The following SNX29 variants were observed in gnomAD, a reference collection of about 807,000 sequenced individuals.
SNX29 encodes sorting nexin 29.
In SNX29, 78 loss-of-function variants were observed where a neutral mutation model predicts 102.1. The observed-to-expected ratio is 0.76, with a 90% CI of 0.64 to 0.92. SNX29 has a LOEUF of 0.92. SNX29 is among the 40% of genes least tolerant of loss of function. SNX29 has a pLI of 0.00. For missense variants in SNX29, 1,280 were observed against 1,061.7 expected, an observed-to-expected ratio of 1.21 and a Z score of -2.86; for synonymous variants, 580 against 414.5, an observed-to-expected ratio of 1.40 and a Z score of -4.85.
chr16:11,977,623 C>G (rs1229877462), intron 1 of SNX29: 1 of 152,660 alleles, frequency 6.6e-6, no homozygotes, highest in Non-Finnish European at 1.5e-5. Context: ...CTTCCCAGTC[C>G]AAACTTCTTC....
At chr16:12,280,005 T>A (rs1448725212) in intron 15 of SNX29, among the ~76,000 whole-genome samples, 1 of 152,112 alleles carries the variant, frequency 6.6e-6, no homozygotes, top group African/African-American at 2.4e-5. Flanking sequence ...CCGTGGAGAT[T>A]CTCCACCTGT....
chr16:12,142,229 C>A (rs930742264), intron 13 of SNX29, among the ~76,000 whole-genome samples: 1 of 152,254 alleles, frequency 6.6e-6, no homozygotes, highest in Non-Finnish European at 1.5e-5. Flanking sequence ...ATGTGACCCA[C>A]TCTGGCTCTC....
chr16:12,296,425 CA>C (rs2079984122), intron 15 of SNX29, among the ~76,000 whole-genome samples: 1 of 152,152 alleles, frequency 6.6e-6, no homozygotes, highest in African/African-American at 2.4e-5. Flanking sequence ...AGAATTATAA[CA>C]ATTTGTTTTT....
chr16:12,017,892 G>C (rs551976668), intron 3 of SNX29, among the ~76,000 whole-genome samples: 24 of 151,800 alleles, frequency 1.6e-4, no homozygotes, highest in South Asian at 6.3e-4. Context: ...TTTTTTGGGT[G>C]GGGGGGCTTT....
intron 13 of SNX29, among the ~76,000 whole-genome samples, chr16:12,176,457 T>C (rs1039864764): frequency 5.3e-5 from 8 of 152,178 alleles, no homozygotes; most frequent in African/African-American, 1.7e-4. Flanking sequence ...CATCCATAGA[T>C]TCAACCAACT....
At chr16:12,008,487 C>T (rs764334886) in intron 3 of SNX29, among the ~76,000 whole-genome samples, 5 of 141,986 alleles carry the variant, frequency 3.5e-5, no homozygotes, top group African/African-American at 5.3e-5. Flanking sequence ...CAGGCTGGAC[C>T]TGAACTCCCG....
At chr16:12,224,481 G>A (rs2077559200) in intron 14 of SNX29, among the ~76,000 whole-genome samples, 1 of 152,160 alleles carries the variant, frequency 6.6e-6, no homozygotes, top group African/African-American at 2.4e-5. Context: ...ACGGTGCTGA[G>A]GACATCCAGG....
chr16:12,538,456 A>C (rs926750084), intron 20 of SNX29, among the ~76,000 whole-genome samples: 7 of 152,160 alleles, frequency 4.6e-5, no homozygotes, highest in African/African-American at 1.7e-4. Flanking sequence ...TTTGGTTATC[A>C]CGTATCTCCT....
At chr16:12,443,902 T>C (rs1007632617) in intron 18 of SNX29, among the ~76,000 whole-genome samples, 1 of 152,240 alleles carries the variant, frequency 6.6e-6, no homozygotes, top group Non-Finnish European at 1.5e-5. Flanking sequence ...AATGTGAGCA[T>C]TCGAAACTTG....
intron 14 of SNX29, among the ~76,000 whole-genome samples, chr16:12,253,101 C>T (rs892680134): frequency 3.9e-5 from 6 of 152,224 alleles, no homozygotes; most frequent in South Asian, 2.1e-4. Flanking sequence ...GGTTCATTCA[C>T]GAGCTGTTCC....
intron 3 of SNX29, among the ~76,000 whole-genome samples, chr16:12,021,052 A>G (rs2057005067): frequency 6.6e-6 from 1 of 152,216 alleles, no homozygotes; most frequent in Non-Finnish European, 1.5e-5. Flanking sequence ...CTAACATTGG[A>G]ATTTTACAAA....
intron 19 of SNX29, among the ~76,000 whole-genome samples, chr16:12,522,282 C>T (rs757920064): frequency 2.0e-5 from 3 of 152,176 alleles, no homozygotes; most frequent in Non-Finnish European, 4.4e-5. Flanking sequence ...GTTCAAATTT[C>T]ACTGGGTGCC....
At chr16:12,027,685 G>C in intron 4 of SNX29, 1 of 361,096 alleles carries the variant, frequency 2.8e-6, no homozygotes, top group Non-Finnish European at 5.0e-6. Flanking sequence ...GTCTCCTCTG[G>C]GTTCGGGGAC....
chr16:12,445,988 G>A (rs932416178), intron 18 of SNX29, among the ~76,000 whole-genome samples: 8 of 151,504 alleles, frequency 5.3e-5, no homozygotes, highest in Non-Finnish European at 8.8e-5. Context: ...ACGCTTTCGC[G>A]CTGCACACCT....
intron 16 of SNX29, among the ~76,000 whole-genome samples, chr16:12,369,642 C>T (rs529205321): frequency 6.6e-6 from 1 of 152,086 alleles, no homozygotes; most frequent in Non-Finnish European, 1.5e-5. Context: ...TCAGTGCCAC[C>T]TTGTAAATCT....
intron 19 of SNX29, among the ~76,000 whole-genome samples, chr16:12,484,178 T>C (rs1377781837): frequency 2.6e-5 from 4 of 152,172 alleles, no homozygotes; most frequent in African/African-American, 9.7e-5. Flanking sequence ...AGACAGGGTC[T>C]CTCTCTGTCA....
At chr16:12,371,865 T>A (rs2082695814) in intron 16 of SNX29, among the ~76,000 whole-genome samples, 1 of 152,224 alleles carries the variant, frequency 6.6e-6, no homozygotes, top group African/African-American at 2.4e-5. Context: ...GTCTGCTCTT[T>A]CTCCACCGAG....
At chr16:12,161,886 G>T (rs1253707909) in intron 13 of SNX29, among the ~76,000 whole-genome samples, 1 of 152,162 alleles carries the variant, frequency 6.6e-6, no homozygotes, top group Non-Finnish European at 1.5e-5. Context: ...ACAGTCTGCA[G>T]AACTGTGAAC....
intron 15 of SNX29, among the ~76,000 whole-genome samples, chr16:12,355,672 G>A (rs2082109677): frequency 6.6e-6 from 1 of 151,886 alleles, no homozygotes; most frequent in African/African-American, 2.4e-5. Flanking sequence ...TTTATTTATT[G>A]GGGATCAGCT....
Sources: gnomAD v4.1 joint callset for allele counts (sites outside exome capture counted in the v4.1 genomes callset) on GRCh38, gnomAD v4.1.1 for gene constraint, MANE v1.5 for transcripts, NCBI Gene and HGNC (gene_info 2026-07-23, HGNC 2026-07-21) for gene names.